Variants in XKR4 observed in about 807,000 individuals in gnomAD.
XKR4 encodes the protein XK related 4.
XKR4 carries 12 observed loss-of-function variants against 53.9 expected under a neutral mutation model. That is an observed-to-expected ratio of 0.22 (90% CI 0.14 to 0.36). XKR4 has a LOEUF of 0.36. XKR4 is among the 10% of genes least tolerant of loss of function. The pLI is 1.00. For missense variants in XKR4, 799 were observed against 859.5 expected (o/e 0.93, Z 0.88); for synonymous variants, 354 against 362.4 (o/e 0.98, Z 0.26).
chr8:55,402,754 C>G (rs1804620306), intron 2 of XKR4, among the ~76,000 whole-genome samples: 1 of 152,256 alleles, frequency 6.6e-6, no homozygotes. Flanking sequence ...CAGGATAATG[C>G]CCATCAGAGT....
intron 1 of XKR4, among the ~76,000 whole-genome samples, chr8:55,186,931 T>C (rs1451910277): frequency 6.6e-6 from 1 of 152,122 alleles, no homozygotes; most frequent in East Asian, 1.9e-4. Flanking sequence ...TGAGCTATGA[T>C]TACTAAAGAA....
intron 2 of XKR4, among the ~76,000 whole-genome samples, chr8:55,463,148 C>G (rs1468432224): frequency 6.6e-6 from 1 of 152,166 alleles, no homozygotes; most frequent in African/African-American, 2.4e-5. Flanking sequence ...ACAGAACTCT[C>G]CACCCCAAAT....
intron 2 of XKR4, among the ~76,000 whole-genome samples, chr8:55,449,309 C>T (rs1428094973): frequency 6.6e-6 from 1 of 152,190 alleles, no homozygotes; most frequent in Non-Finnish European, 1.5e-5. Context: ...GCACGGTGCT[C>T]AGCTGTGACG....
chr8:55,257,995 T>C (rs1310708387), intron 1 of XKR4, among the ~76,000 whole-genome samples: 1 of 152,194 alleles, frequency 6.6e-6, no homozygotes. Flanking sequence ...GACCGTGGGC[T>C]CTGGACTGGA....
At chr8:55,145,797 A>G (rs184921180) in intron 1 of XKR4, among the ~76,000 whole-genome samples, 7 of 152,202 alleles carry the variant, frequency 4.6e-5, no homozygotes, top group Non-Finnish European at 8.8e-5. Flanking sequence ...ACATCTTTTC[A>G]TCTCATAAAT....
At chr8:55,337,429 A>G (rs182956107) in intron 1 of XKR4, among the ~76,000 whole-genome samples, 14 of 152,318 alleles carry the variant, frequency 9.2e-5, no homozygotes, top group African/African-American at 3.4e-4. Flanking sequence ...TTTATGAATC[A>G]GGGCCATGTT....
intron 2 of XKR4, among the ~76,000 whole-genome samples, chr8:55,478,234 G>T (rs1003938158): frequency 3.3e-5 from 5 of 152,038 alleles, no homozygotes; most frequent in African/African-American, 7.3e-5. Flanking sequence ...GAAGAGAGTG[G>T]GGGCCAATAT....
At chr8:55,506,578 G>C (rs1806528853) in intron 2 of XKR4, among the ~76,000 whole-genome samples, 2 of 152,160 alleles carry the variant, frequency 1.3e-5, no homozygotes, top group Non-Finnish European at 2.9e-5. Flanking sequence ...CTTGTTAATA[G>C]TGTAGAGATA....
At chr8:55,301,734 C>G (rs1443432564) in intron 1 of XKR4, among the ~76,000 whole-genome samples, 1 of 152,176 alleles carries the variant, frequency 6.6e-6, no homozygotes, top group Non-Finnish European at 1.5e-5. Context: ...ATTTGCATTT[C>G]TCTGATGGCC....
intron 1 of XKR4, among the ~76,000 whole-genome samples, chr8:55,129,383 C>T (rs551067930): frequency 7.7e-4 from 118 of 152,344 alleles, no homozygotes; most frequent in African/African-American, 2.7e-3. Flanking sequence ...AACTGCCTTG[C>T]ACTCTGAGCT....
intron 1 of XKR4, among the ~76,000 whole-genome samples, chr8:55,223,016 T>G (rs1817901720): frequency 6.6e-6 from 1 of 152,074 alleles, no homozygotes; most frequent in South Asian, 2.1e-4. Context: ...GCTCTTTATC[T>G]CATGGCCCTC....
At chr8:55,339,897 C>G (rs1803516219) in intron 1 of XKR4, among the ~76,000 whole-genome samples, 1 of 152,046 alleles carries the variant, frequency 6.6e-6, no homozygotes, top group African/African-American at 2.4e-5. Flanking sequence ...ATGCTATTCC[C>G]TAAATAAAGC....
intron 2 of XKR4, among the ~76,000 whole-genome samples, chr8:55,407,477 C>G (rs1458883168): frequency 6.6e-6 from 1 of 152,352 alleles, no homozygotes; most frequent in Non-Finnish European, 1.5e-5. Context: ...ACGCTGCCTC[C>G]GCCGGAGTGA....
At chr8:55,449,866 G>T (rs926460784) in intron 2 of XKR4, 29 of 970,592 alleles carry the variant, frequency 3.0e-5, no homozygotes, top group Non-Finnish European at 4.3e-5. Flanking sequence ...GGAACTGGCT[G>T]TAAGGGTGCT....
intron 1 of XKR4, among the ~76,000 whole-genome samples, chr8:55,136,435 T>G (rs1366230277): frequency 2.0e-5 from 3 of 152,206 alleles, no homozygotes; most frequent in Admixed American, 2.0e-4. Context: ...ATCATATCCT[T>G]TAATTTTTTT....
chr8:55,321,705 C>A (rs1300968158), intron 1 of XKR4, among the ~76,000 whole-genome samples: 1 of 152,144 alleles, frequency 6.6e-6, no homozygotes, highest in East Asian at 1.9e-4. Flanking sequence ...AAAAACATAT[C>A]TTGGGCCGGG....
chr8:55,186,730 T>C (rs908915608), intron 1 of XKR4, among the ~76,000 whole-genome samples: 1 of 152,198 alleles, frequency 6.6e-6, no homozygotes, highest in African/African-American at 2.4e-5. Flanking sequence ...CTGTGTATTC[T>C]TTTATATAGA....
At chr8:55,325,377 A>G (rs965232598) in intron 1 of XKR4, among the ~76,000 whole-genome samples, 1 of 152,170 alleles carries the variant, frequency 6.6e-6, no homozygotes, top group Admixed American at 6.5e-5. Flanking sequence ...TTCTCACCTC[A>G]GGGATTTCTT....
chr8:55,180,002 C>A (rs2129359580), intron 1 of XKR4, among the ~76,000 whole-genome samples: 1 of 152,284 alleles, frequency 6.6e-6, no homozygotes, highest in South Asian at 2.1e-4. Context: ...TATACTCATT[C>A]TTTTTGTGCA....
Sources: allele counts gnomAD v4.1 joint callset (sites outside exome capture counted in the v4.1 genomes callset), GRCh38; gene constraint gnomAD v4.1.1; transcripts MANE v1.5; gene names NCBI Gene and HGNC (gene_info 2026-07-23, HGNC 2026-07-21).